The following DGKB variants were observed in gnomAD, a reference collection of about 807,000 sequenced individuals.
DGKB encodes diacylglycerol kinase beta, also known as 90 kDa diacylglycerol kinase.
In DGKB, 67 loss-of-function variants were observed where a neutral mutation model predicts 114.3. That is an observed-to-expected ratio of 0.59 (90% confidence interval 0.48 to 0.72). DGKB has a LOEUF of 0.72. Ranked by LOEUF, DGKB falls within the 30% of genes least tolerant of loss-of-function variation. The probability of loss-of-function intolerance (pLI) is 0.00; values close to 1 mark genes in which losing one functional copy is unlikely to be tolerated. For missense variants in DGKB, 907 were observed against 975.2 expected (o/e 0.93, Z 0.93); for synonymous variants, 398 against 323.1 (o/e 1.23, Z -2.49).
At chr7:14,443,328 G>T (rs539712415) in intron 21 of DGKB, among the ~76,000 whole-genome samples, 1 of 152,108 alleles carries the variant, frequency 6.6e-6, no homozygotes, top group South Asian at 2.1e-4. Flanking sequence ...AATTTATTCA[G>T]CCAATTTATT....
chr7:14,226,650 A>T (rs1790848274), intron 23 of DGKB, among the ~76,000 whole-genome samples: 1 of 152,074 alleles, frequency 6.6e-6, no homozygotes, highest in Admixed American at 6.6e-5. Context: ...TATGATTCAT[A>T]CACATATCAA....
At chr7:14,159,375 C>A (rs1032116106) in intron 25 of DGKB, among the ~76,000 whole-genome samples, 1 of 152,120 alleles carries the variant, frequency 6.6e-6, no homozygotes, top group African/African-American at 2.4e-5. Flanking sequence ...CCTTCTACAA[C>A]AAGATCAAAC....
At chr7:14,695,494 C>CTTTTGTTT (rs1823674564) in intron 8 of DGKB, among the ~76,000 whole-genome samples, 1 of 75,156 alleles carries the variant, frequency 1.3e-5, no homozygotes, top group African/African-American at 5.9e-5. Context: ...CTCTCTCTCT[C>CTTTTGTTT]TTTTTTTTTT....
At chr7:14,829,498 G>T (rs927299140) in intron 2 of DGKB, among the ~76,000 whole-genome samples, 1 of 152,136 alleles carries the variant, frequency 6.6e-6, no homozygotes, top group Non-Finnish European at 1.5e-5. Flanking sequence ...AGGAGGAAAA[G>T]CTCTCTCATG....
chr7:14,381,007 T>A (rs560368765), intron 21 of DGKB, among the ~76,000 whole-genome samples: 56 of 152,342 alleles, frequency 3.7e-4, no homozygotes, highest in African/African-American at 1.3e-3. Context: ...AGAAGGTATG[T>A]GCTGCCTGGG....
At chr7:14,508,130 A>G (rs930327436) in intron 20 of DGKB, among the ~76,000 whole-genome samples, 2 of 152,152 alleles carry the variant, frequency 1.3e-5, no homozygotes, top group East Asian at 3.8e-4. Context: ...ATAAAGGAGA[A>G]ACGTGCATCT....
chr7:14,941,059 T>G (rs1785544874), intron 1 of DGKB, among the ~76,000 whole-genome samples: 1 of 152,078 alleles, frequency 6.6e-6, no homozygotes, highest in Non-Finnish European at 1.5e-5. Flanking sequence ...GGACCATCAT[T>G]TAAATACTAG....
chr7:14,621,386 CT>C lies in DGKB; in HGVS notation c.1275del (p.Gly426AlafsTer14). 1.9e-6 allele frequency: 3 copies of C among 1,604,516 alleles called. No homozygotes were observed. Among genetic ancestry groups the C allele is most frequent in the Non-Finnish European group, 1.7e-6 (2 of 1,172,822 alleles). ...GATTTAAAAAATCATACCTGCAGGCCTTGTCCATCTACAGTAACAGAGTTGG... is the reference window on the plus strand; with the variant it reads ...GATTTAAAAAATCATACCTGCAGGCCTGTCCATCTACAGTAACAGAGTTGG... Reference protein sequence around the residue: ...QRANSVTVDGQGLQVTPVPGT... With the variant: ...QRANSVTVDGXGLQVTPVPGT... On this transcript the variant is annotated frameshift_variant, in exon 15 of 26. Transcript: ENST00000402815. LOFTEE classifies it high-confidence loss of function.
At chr7:14,593,570 AC>A (rs1173593674) in intron 17 of DGKB, among the ~76,000 whole-genome samples, 20 of 151,932 alleles carry the variant, frequency 1.3e-4, no homozygotes, top group Admixed American at 1.3e-3. Context: ...TAAGTAAAAC[AC>A]TTTTGTAAAT....
At chr7:14,352,233 C>G (rs1288555276) in intron 21 of DGKB, among the ~76,000 whole-genome samples, 2 of 152,026 alleles carry the variant, frequency 1.3e-5, no homozygotes, top group Non-Finnish European at 2.9e-5. Flanking sequence ...ATTACTTTTA[C>G]AGGACTAAAG....
At chr7:14,476,980 G>A (rs555088453) in intron 21 of DGKB, among the ~76,000 whole-genome samples, 6 of 152,024 alleles carry the variant, frequency 3.9e-5, no homozygotes, top group Admixed American at 6.6e-5. Context: ...TCGAACTCCC[G>A]ACCTCATGAT....
intron 23 of DGKB, among the ~76,000 whole-genome samples, chr7:14,201,967 T>A (rs1252083695): frequency 6.6e-6 from 1 of 151,976 alleles, no homozygotes; most frequent in East Asian, 1.9e-4. Flanking sequence ...GAGGCTCCAA[T>A]AAAGGGTAGA....
intron 13 of DGKB, among the ~76,000 whole-genome samples, chr7:14,632,672 T>C (rs1182893978): frequency 6.6e-6 from 1 of 151,702 alleles, no homozygotes; most frequent in African/African-American, 2.4e-5. Flanking sequence ...GGGAGAGAAG[T>C]CATAGGAGTG....
chr7:14,159,255 T>C (rs543433771), intron 25 of DGKB, among the ~76,000 whole-genome samples: 17 of 152,288 alleles, frequency 1.1e-4, no homozygotes, highest in African/African-American at 3.9e-4. Context: ...TCCCACACTG[T>C]ACTGTTTTCT....
chr7:14,205,899 T>C (rs575378579), intron 23 of DGKB, among the ~76,000 whole-genome samples: 2 of 151,938 alleles, frequency 1.3e-5, no homozygotes, highest in Non-Finnish European at 2.9e-5. Flanking sequence ...CCAAATAATA[T>C]GATATATATA....
intron 2 of DGKB, among the ~76,000 whole-genome samples, chr7:14,832,356 A>G (rs932244651): frequency 3.9e-5 from 6 of 152,160 alleles, no homozygotes; most frequent in East Asian, 3.9e-4. Context: ...TCCCCTGTGA[A>G]CATGTCTTTC....
chr7:14,164,817 C>A (rs1372612553), intron 25 of DGKB, among the ~76,000 whole-genome samples: 1 of 151,950 alleles, frequency 6.6e-6, no homozygotes, highest in African/African-American at 2.4e-5. Flanking sequence ...GAAGAAAATT[C>A]AGATGTATTA....
chr7:14,574,463 T>TAATG lies in DGKB; in HGVS notation c.1610-92_1610-91insCATT. On this transcript the variant is annotated intron_variant, in intron 19 of 25. Coordinates refer to ENST00000402815, the MANE Select transcript of DGKB (RefSeq NM_001350709.2). ...TTTCAGTGTGCTTATGCATATGTAA[T>TAATG]ATTCTAAAGGTAAATAATGATTTTG... 4.8e-6 allele frequency: 5 copies of TAATG among 1,039,106 alleles called. No individual in the cohort carries two copies. In the South Asian group the frequency reaches 7.9e-5, roughly 17 times the overall value. The allele number at this position is 1,039,106 out of a possible 1,614,324, so 64.4% of individuals were successfully genotyped here.
At position 14,365,148 on chromosome 7, in the gene DGKB, C is replaced by T. The variant is rs141311082; in HGVS notation, c.1836-19757G>A. Among the ~76,000 whole-genome samples, 79 of 151,172 alleles carry T rather than the reference C, an allele frequency of 5.2e-4. 1 individual carries two copies. Among genetic ancestry groups the T allele is most frequent in the African/African-American group, 1.8e-3 (73 of 41,220 alleles). ...TTTTATCGCCTCCACAGTGGTTTGTCCTTATAAGTACTTGATATTTGGAGA... is the reference window on the plus strand; with the variant it reads ...TTTTATCGCCTCCACAGTGGTTTGTTCTTATAAGTACTTGATATTTGGAGA... On this transcript the variant is annotated intron_variant, in intron 21 of 25. Coordinates refer to ENST00000402815, the MANE Select transcript of DGKB (RefSeq NM_001350709.2).
Sources: gnomAD v4.1 joint callset for allele counts (sites outside exome capture counted in the v4.1 genomes callset) on GRCh38, gnomAD v4.1.1 for gene constraint, MANE v1.5 for transcripts, NCBI Gene and HGNC (gene_info 2026-07-23, HGNC 2026-07-21) for gene names.